The following EML6 variants were observed in gnomAD, a reference collection of about 807,000 sequenced individuals.
The protein encoded by EML6 is EMAP like 6, also known as echinoderm microtubule-associated protein-like 6.
In EML6, 154 loss-of-function variants were observed where a neutral mutation model predicts 240.1. The ratio of observed to expected loss-of-function variants is 0.64; its 90% confidence interval spans 0.56 to 0.73. EML6 has a LOEUF of 0.73. Ranked by LOEUF, EML6 falls within the 30% of genes least tolerant of loss-of-function variation. The pLI is 0.00. For synonymous variants in EML6, 1,148 were observed against 899.0 expected (o/e 1.28, Z -4.95); for missense variants, 2,964 against 2,474.6 (o/e 1.20, Z -4.20).
intron 7 of EML6, among the ~76,000 whole-genome samples, chr2:54,839,132 A>T (rs1289272169): frequency 6.6e-6 from 1 of 152,216 alleles, no homozygotes; most frequent in Non-Finnish European, 1.5e-5. Context: ...AGTAGAAACT[A>T]AGCCTGGATA....
Position 54,960,313 on chromosome 2 carries a change from G to A in EML6, c.4947G>A (p.Val1649=), listed in dbSNP as rs1261496956. 16 of 1,550,486 alleles carry A rather than the reference G, an allele frequency of 1.0e-5. No homozygotes were observed. Among genetic ancestry groups the A allele is most frequent in the Admixed American group, 5.9e-5 (3 of 50,982 alleles). The change falls in exon 35 of 42, where the codon GTG becomes GTA. Residue 1649 remains valine, a synonymous_variant. Transcript: ENST00000356458. ...QLETGQLVEC[V]RSVCRGKGKI... is the part of the protein sequence containing the mutation. ...AGACCGGGCAGCTGGTGGAGTGTGT[G>A]CGCTCCGTGTGCCGTGGAAAAGTGA...
At position 54,922,933 on chromosome 2, in the gene EML6, C is replaced by CTT. The variant is rs36078208; in HGVS notation, c.3676-5356_3676-5355dup. 9.8e-3 allele frequency among the ~76,000 whole-genome samples: 722 copies of CTT among 73,720 alleles called. 9 individuals are homozygous for CTT. The highest frequency in any genetic ancestry group is 0.019 in the African/African-American group (312 of 16,798). 48.4% of individuals were successfully genotyped at this position (73,720 alleles called of 152,430 possible). A position where few individuals can be genotyped will look rare whatever the true frequency, so the allele number is the denominator to read the frequency against. On this transcript the variant is annotated intron_variant, in intron 26 of 41. Transcript: ENST00000356458. ...GGAGATGTTGGTCAAAGGGTATAAA[C>CTT]TTTTTTTTTTTTTTTTTTTTTTTTT...
At chr2:54,741,183 C>T (rs1205824447) in intron 2 of EML6, among the ~76,000 whole-genome samples, 1 of 152,046 alleles carries the variant, frequency 6.6e-6, no homozygotes. Flanking sequence ...TGATCTTGGC[C>T]TCTCTATCTT....
At chr2:54,958,615 C>T (rs1263723316) in intron 33 of EML6, among the ~76,000 whole-genome samples, 1 of 152,206 alleles carries the variant, frequency 6.6e-6, no homozygotes, top group East Asian at 1.9e-4. Context: ...ACAATTTCCA[C>T]TGTAGATAAT....
intron 2 of EML6, among the ~76,000 whole-genome samples, chr2:54,788,183 G>A (rs954390863): frequency 6.6e-6 from 1 of 152,234 alleles, no homozygotes. Flanking sequence ...TCACTCGCTC[G>A]CTAGCTGCCC....
Position 54,971,610 on chromosome 2 carries a change from G to A in EML6, c.*1515G>A, listed in dbSNP as rs10173574. 6.8e-4 allele frequency: 103 copies of A among 152,252 alleles called. No individual in the cohort carries two copies. The highest frequency in any genetic ancestry group is 2.4e-3 in the African/African-American group (98 of 41,534). The allele number at this position is 152,252 out of a possible 1,614,324, so 9.4% of individuals were successfully genotyped here. A position where few individuals can be genotyped will look rare whatever the true frequency, so the allele number is the denominator to read the frequency against. On this transcript the variant is annotated 3_prime_UTR_variant, in exon 42 of 42. Coordinates refer to ENST00000356458, the MANE Select transcript of EML6 (RefSeq NM_001039753.4). ...TATTTTTATATGCCAATTTACTAATGCCTTACATCAATCCACTAATAGGTT... is the reference window on the plus strand; with the variant it reads ...TATTTTTATATGCCAATTTACTAATACCTTACATCAATCCACTAATAGGTT...
intron 7 of EML6, among the ~76,000 whole-genome samples, chr2:54,832,319 T>A (rs746144166): frequency 3.9e-5 from 6 of 152,196 alleles, no homozygotes; most frequent in Non-Finnish European, 7.3e-5. Flanking sequence ...CAGCCAGGCC[T>A]TGGTGCCATT....
intron 18 of EML6, 97 bp from the exon 19 acceptor site, chr2:54,892,357 A>G: frequency 1.4e-6 from 1 of 723,286 alleles, no homozygotes; most frequent in Non-Finnish European, 2.3e-6. Flanking sequence ...TAAATACCTA[A>G]TGAGAGACAC....
At chr2:54,762,460 T>C (rs1339863902) in intron 2 of EML6, among the ~76,000 whole-genome samples, 1 of 152,184 alleles carries the variant, frequency 6.6e-6, no homozygotes, top group Non-Finnish European at 1.5e-5. Context: ...TATAGAGTAA[T>C]TTGAGTGGAA....
intron 2 of EML6, among the ~76,000 whole-genome samples, chr2:54,810,909 A>G (rs1427021858): frequency 1.3e-5 from 2 of 152,182 alleles, no homozygotes; most frequent in African/African-American, 2.4e-5. Flanking sequence ...TAGTTAGGCC[A>G]TCTTTTCCCA....
intron 26 of EML6, among the ~76,000 whole-genome samples, chr2:54,922,763 G>T (rs1674325814): frequency 6.6e-6 from 1 of 152,094 alleles, no homozygotes; most frequent in Non-Finnish European, 1.5e-5. Flanking sequence ...GGATGAACCA[G>T]AAGGACATGG....
In EML6 at chr2:54,765,996, T is replaced by A. The variant is rs1019699627; in HGVS notation, c.197+40738T>A. Among the ~76,000 whole-genome samples, 9 of 152,170 alleles carry A rather than the reference T, an allele frequency of 5.9e-5. No homozygotes were observed. The South Asian group carries it at 6.2e-4, about 11-fold the overall frequency. On this transcript the variant is annotated intron_variant, in intron 2 of 41. Coordinates refer to ENST00000356458, the MANE Select transcript of EML6 (RefSeq NM_001039753.4). ...GCCACATTTGCTTTAATATTCTCTC[T>A]CTTATTCTCTCTCCCTTCTTTCCAC...
At chr2:54,961,184 G>GTTGTTTTTTTTTTTTGTTTTTTTT in intron 35 of EML6, among the ~76,000 whole-genome samples, 1 of 55,424 alleles carries the variant, frequency 1.8e-5, no homozygotes. Context: ...TCAGGAAGTA[G>GTTGTTTTTTTTTTTTGTTTTTTTT]TTTTTTTTTT....
chr2:54,808,950 C>G (rs577715873), intron 2 of EML6, among the ~76,000 whole-genome samples: 13 of 152,124 alleles, frequency 8.5e-5, no homozygotes, highest in Non-Finnish European at 1.9e-4. Context: ...TGGGATTTCC[C>G]AACAGAACTA....
At chr2:54,866,731 G>C (rs1670989431) in intron 13 of EML6, 35 bp from the exon 14 acceptor site, 1 of 1,256,278 alleles carries the variant, frequency 8.0e-7, no homozygotes, top group Non-Finnish European at 1.1e-6. Context: ...CCTGATGAAA[G>C]GCATCTCACC....
chr2:54,936,156 A>AT (rs1438240946), intron 28 of EML6, among the ~76,000 whole-genome samples: 1 of 152,220 alleles, frequency 6.6e-6, no homozygotes, highest in Non-Finnish European at 1.5e-5. Context: ...CAATGTCTAC[A>AT]TTTTTTGTTC....
intron 38 of EML6, 194 bp from the exon 39 acceptor site, chr2:54,966,806 A>G (rs1448988445): frequency 4.7e-6 from 2 of 428,198 alleles, no homozygotes; most frequent in Non-Finnish European, 8.6e-6. Context: ...AATGGATGAG[A>G]AGAAAGATGG....
rs2104545180 is a variant in EML6, at chr2:54,964,128, G to A, written c.5300G>A (p.Arg1767Gln). The A allele has an allele frequency of 1.9e-6, 3 of 1,551,714 alleles. No homozygotes were observed. Among genetic ancestry groups the A allele is most frequent in the Non-Finnish European group, 2.6e-6 (3 of 1,146,980 alleles). ...AGCCTGAAAGTTTGGGGGAAAAAAC[G>A]AGACCGGAAATCTGCTATCCAAGAT... ...VNSLKVWGKK[R>Q]DRKSAIQDIR... Residue 1767 changes from arginine (R) to glutamine (Q), a missense_variant, in exon 37 of 42, where the codon CGA (arginine) becomes CAA (glutamine). Coordinates refer to ENST00000356458, the MANE Select transcript of EML6 (RefSeq NM_001039753.4).
intron 21 of EML6, among the ~76,000 whole-genome samples, chr2:54,897,911 T>C (rs947143386): frequency 6.6e-6 from 1 of 152,044 alleles, no homozygotes; most frequent in African/African-American, 2.4e-5. Context: ...CAAGGGAAAG[T>C]GAAGGAACTG....
Sources: allele counts gnomAD v4.1 joint callset (sites outside exome capture counted in the v4.1 genomes callset), GRCh38; gene constraint gnomAD v4.1.1; transcripts MANE v1.5; gene names NCBI Gene and HGNC (gene_info 2026-07-23, HGNC 2026-07-21).